Variants in SH3RF3 observed in about 807,000 individuals in gnomAD.
SH3RF3 encodes the protein SH3 domain containing ring finger 3, also known as E3 ubiquitin-protein ligase SH3RF3.
A neutral mutation model predicts 66.3 loss-of-function variants in SH3RF3; 29 were observed. The observed-to-expected ratio is 0.44, with a 90% CI of 0.33 to 0.60. SH3RF3 has a LOEUF of 0.60. Among genes scored for constraint, SH3RF3 ranks in the 20% least tolerant of loss-of-function variants. The pLI is 0.04. For missense variants in SH3RF3, 1,194 were observed against 1,190.9 expected (o/e 1.00, Z -0.04); for synonymous variants, 583 against 532.0 (o/e 1.10, Z -1.32).
In SH3RF3 at chr2:109,145,189, CT is replaced by C. The variant is rs749477693; in HGVS notation, c.573+15078del. 1.1e-3 allele frequency among the ~76,000 whole-genome samples: 174 copies of C among 152,324 alleles called. 2 individuals carry two copies. Among genetic ancestry groups the C allele is most frequent in the Middle Eastern group, 6.8e-3 (2 of 294 alleles). ...GCAGTTCACTCCTGCCTTTCTGCTGCTTCTGAGACAGAGCCGTGTCCTGGCT... is the reference window on the plus strand; with the variant it reads ...GCAGTTCACTCCTGCCTTTCTGCTGCTCTGAGACAGAGCCGTGTCCTGGCT... On this transcript the variant is annotated intron_variant, in intron 1 of 9. Coordinates refer to ENST00000309415, the MANE Select transcript of SH3RF3 (RefSeq NM_001099289.3).
rs563615204 is a variant in SH3RF3 at position 109,196,242 on chromosome 2, C to T, written c.573+66129C>T. ...GGGTGTTTGGGACGGCAGAGACTGCCCACCCTCCTGCATCCGCTGCTCTCC... is the reference window on the plus strand; with the variant it reads ...GGGTGTTTGGGACGGCAGAGACTGCTCACCCTCCTGCATCCGCTGCTCTCC... On this transcript the variant is annotated intron_variant, in intron 1 of 9. Coordinates refer to ENST00000309415, the MANE Select transcript of SH3RF3 (RefSeq NM_001099289.3). 5.3e-5 allele frequency among the ~76,000 whole-genome samples: 8 copies of T among 152,274 alleles called. No individual in the cohort carries two copies. In the South Asian group the frequency reaches 1.7e-3, roughly 32 times the overall value.
At chr2:109,362,680 C>G (rs1683071727) in intron 2 of SH3RF3, among the ~76,000 whole-genome samples, 1 of 152,122 alleles carries the variant, frequency 6.6e-6, no homozygotes. Context: ...GTGTTAAAGT[C>G]TCCAGCTGTA....
At chr2:109,175,730 A>G (rs948441587) in intron 1 of SH3RF3, among the ~76,000 whole-genome samples, 28 of 152,356 alleles carry the variant, frequency 1.8e-4, no homozygotes, top group Admixed American at 8.5e-4. Context: ...CATAAAAATG[A>G]AGTAAGTAAC....
Position 109,338,235 on chromosome 2 carries a change from G to T in SH3RF3, c.574-9439G>T, listed in dbSNP as rs34215396. On this transcript the variant is annotated intron_variant, in intron 1 of 9. Coordinates refer to ENST00000309415, the MANE Select transcript of SH3RF3 (RefSeq NM_001099289.3). ...ATTAACTCATTCGATCTCACATTTAGGATCCCTGTGAGACAGATACTTAGC... is the reference window on the plus strand; with the variant it reads ...ATTAACTCATTCGATCTCACATTTATGATCCCTGTGAGACAGATACTTAGC... Among the ~76,000 whole-genome samples, 3 of 152,090 alleles carry T rather than the reference G, an allele frequency of 2.0e-5. 1 individual carries two copies. The highest frequency in any genetic ancestry group is 7.2e-5 in the African/African-American group (3 of 41,400).
At chr2:109,376,815 G>A (rs899032701) in intron 3 of SH3RF3, among the ~76,000 whole-genome samples, 1 of 152,240 alleles carries the variant, frequency 6.6e-6, no homozygotes, top group Non-Finnish European at 1.5e-5. Flanking sequence ...CTTAGAGACA[G>A]CCAGCATCTC....
At chr2:109,480,891 T>G (rs1678818152) in intron 8 of SH3RF3, among the ~76,000 whole-genome samples, 1 of 152,110 alleles carries the variant, frequency 6.6e-6, no homozygotes, top group Non-Finnish European at 1.5e-5. Context: ...TTGATTTGTG[T>G]GGTTTCTGTC....
intron 1 of SH3RF3, among the ~76,000 whole-genome samples, chr2:109,306,575 T>C (rs1295448133): frequency 6.6e-6 from 1 of 152,138 alleles, no homozygotes. Flanking sequence ...CTGGTGGTGT[T>C]CTCCAGGCAG....
At chr2:109,462,798 T>C (rs973843464) in intron 8 of SH3RF3, among the ~76,000 whole-genome samples, 3 of 152,112 alleles carry the variant, frequency 2.0e-5, no homozygotes, top group African/African-American at 7.2e-5. Context: ...ATACTTGAAC[T>C]GTTGTGAGAA....
At chr2:109,387,819 A>G (rs114884607) in intron 3 of SH3RF3, among the ~76,000 whole-genome samples, 2,482 of 152,112 alleles carry the variant, frequency 0.016, 78 homozygotes, top group African/African-American at 0.053. Context: ...TAGGTGCCCA[A>G]TTCCACCTTC....
intron 1 of SH3RF3, among the ~76,000 whole-genome samples, chr2:109,134,262 T>C (rs1189451432): frequency 6.6e-6 from 1 of 152,206 alleles, no homozygotes; most frequent in Non-Finnish European, 1.5e-5. Flanking sequence ...TCCGCCCTTC[T>C]GTCCAGTTTG....
At chr2:109,281,975 C>T (rs1050274759) in intron 1 of SH3RF3, among the ~76,000 whole-genome samples, 2 of 152,054 alleles carry the variant, frequency 1.3e-5, no homozygotes, top group Non-Finnish European at 2.9e-5. Flanking sequence ...AATGGCCGAG[C>T]GCTGGGCCAG....
At chr2:109,312,513 C>A (rs1341076987) in intron 1 of SH3RF3, among the ~76,000 whole-genome samples, 1 of 152,152 alleles carries the variant, frequency 6.6e-6, no homozygotes, top group Non-Finnish European at 1.5e-5. Context: ...ACTCTCTACC[C>A]ATCAGCAGCC....
intron 1 of SH3RF3, among the ~76,000 whole-genome samples, chr2:109,181,466 A>G (rs969412106): frequency 1.3e-5 from 2 of 152,164 alleles, no homozygotes; most frequent in Non-Finnish European, 2.9e-5. Flanking sequence ...GTGTGAAGAA[A>G]GGATTCCACT....
chr2:109,454,953 G>T (rs1316871240), intron 8 of SH3RF3, among the ~76,000 whole-genome samples: 1 of 152,110 alleles, frequency 6.6e-6, no homozygotes, highest in African/African-American at 2.4e-5. Flanking sequence ...CTCTTTATGG[G>T]TGTGGTAGTT....
intron 3 of SH3RF3, among the ~76,000 whole-genome samples, chr2:109,374,826 C>T (rs1482952489): frequency 6.6e-6 from 1 of 152,240 alleles, no homozygotes; most frequent in Non-Finnish European, 1.5e-5. Flanking sequence ...CTCACCTCGC[C>T]TGGCCTCACC....
chr2:109,416,387 G>A (rs1411018651), intron 4 of SH3RF3, among the ~76,000 whole-genome samples: 1 of 151,918 alleles, frequency 6.6e-6, no homozygotes, highest in Non-Finnish European at 1.5e-5. Flanking sequence ...CTGAGGTCAG[G>A]AGTTCAAGAC....
At chr2:109,498,693 G>C (rs1047140458) in intron 9 of SH3RF3, among the ~76,000 whole-genome samples, 1 of 152,208 alleles carries the variant, frequency 6.6e-6, no homozygotes, top group African/African-American at 2.4e-5. Context: ...AGGGAACTGT[G>C]GGGGGTCCTG....
intron 1 of SH3RF3, among the ~76,000 whole-genome samples, chr2:109,167,207 A>C (rs950100835): frequency 1.3e-5 from 2 of 152,256 alleles, no homozygotes; most frequent in Non-Finnish European, 2.9e-5. Flanking sequence ...TATTTTTAAA[A>C]AGGATGATGG....
chr2:109,243,955 A>T (rs574732776), intron 1 of SH3RF3, among the ~76,000 whole-genome samples: 1 of 152,216 alleles, frequency 6.6e-6, no homozygotes, highest in Non-Finnish European at 1.5e-5. Flanking sequence ...AGCCATGGGC[A>T]CTTGGTGGTT....
Sources: allele counts gnomAD v4.1 joint callset (sites outside exome capture counted in the v4.1 genomes callset), GRCh38; gene constraint gnomAD v4.1.1; transcripts MANE v1.5; gene names NCBI Gene and HGNC (gene_info 2026-07-23, HGNC 2026-07-21).